ZSCAN25: variants seen among roughly 807,000 people sequenced by gnomAD.
ZSCAN25 encodes zinc finger and SCAN domain containing 25, also known as zinc finger and SCAN domain-containing protein 25.
In ZSCAN25, 27 loss-of-function variants were observed where a neutral mutation model predicts 38.7. The observed-to-expected ratio is 0.70, with a 90% CI of 0.51 to 0.96. The LOEUF is 0.96. Among genes scored for constraint, ZSCAN25 ranks in the 40% least tolerant of loss-of-function variants. ZSCAN25 has a pLI of 0.00. For synonymous variants in ZSCAN25, 273 were observed against 277.7 expected, an observed-to-expected ratio of 0.98 and a Z score of 0.17; for missense variants, 637 against 705.9, an observed-to-expected ratio of 0.90 and a Z score of 1.11.
the ZSCAN25 span, among the ~76,000 whole-genome samples, chr7:99,675,205 C>A: frequency 6.6e-6 from 1 of 152,216 alleles, no homozygotes; most frequent in Non-Finnish European, 1.5e-5. Flanking sequence ...CACCTCTACA[C>A]ATCACACCCA....
chr7:99,737,043 C>T, the ZSCAN25 span, among the ~76,000 whole-genome samples: 2 of 152,150 alleles, frequency 1.3e-5, no homozygotes, highest in African/African-American at 4.8e-5. Context: ...AGGACAGACA[C>T]GGGTAGGTGG....
the ZSCAN25 span, chr7:99,663,701 A>G: frequency 4.7e-6 from 5 of 1,066,876 alleles, no homozygotes; most frequent in Non-Finnish European, 5.7e-6. Flanking sequence ...TAAAGGGAAG[A>G]GAAGTGGTAA....
rs1270014397 is a variant in ZSCAN25 at position 99,629,362 on chromosome 7, C to T, written c.977C>T (p.Pro326Leu). 1.2e-6 allele frequency: 2 copies of T among 1,614,208 alleles called. No homozygotes were observed. The highest frequency in any genetic ancestry group is 1.3e-5 in the African/African-American group (1 of 75,070). ...GCAGGCAGTGCGCCTGGGCTTCCTC[C>T]TCCCCAGCACGGTGCCATCCCCCTG... is the stretch of plus-strand genomic sequence containing the variant. ...GPAGSAPGLPPPQHGAIPLPD... is the reference protein window; with the variant it reads ...GPAGSAPGLPLPQHGAIPLPD... Residue 326 changes from proline to leucine, a missense_variant, in exon 8 of 8, where the codon CCT (proline) becomes CTT (leucine). Pro to Leu is a moderately conservative substitution (Grantham distance 98). Transcript: ENST00000394152. This position sits in a 1 kb window ranked among gnomAD's most constrained non-coding sequence, Gnocchi z 5.6.
At chr7:99,693,378 A>G in the ZSCAN25 span, among the ~76,000 whole-genome samples, 28 of 152,294 alleles carry the variant, frequency 1.8e-4, no homozygotes, top group South Asian at 1.5e-3. Flanking sequence ...GAGGCAGTCT[A>G]TCCGTTCTCA....
chr7:99,696,013 C>T, the ZSCAN25 span, among the ~76,000 whole-genome samples: 715 of 152,266 alleles, frequency 4.7e-3, 4 homozygotes, highest in African/African-American at 0.016. Context: ...AGTCCTTTCC[C>T]GTCTCCACCA....
At chr7:99,638,494 C>A in the ZSCAN25 span, 1 of 1,501,182 alleles carries the variant, frequency 6.7e-7, no homozygotes, top group Admixed American at 1.7e-5. Context: ...CGGTGGCAGT[C>A]GGCACAGTCC....
the ZSCAN25 span, among the ~76,000 whole-genome samples, chr7:99,710,111 A>G: frequency 6.6e-6 from 1 of 152,224 alleles, no homozygotes; most frequent in African/African-American, 2.4e-5. Flanking sequence ...CCACACAAAG[A>G]CCAGCCCAAA....
the ZSCAN25 span, among the ~76,000 whole-genome samples, chr7:99,723,336 G>T: frequency 6.6e-6 from 1 of 152,078 alleles, no homozygotes; most frequent in Admixed American, 6.5e-5. Flanking sequence ...TCTTCTTCTG[G>T]ACAATGAGTC....
At chr7:99,700,910 C>A in the ZSCAN25 span, among the ~76,000 whole-genome samples, 1 of 152,148 alleles carries the variant, frequency 6.6e-6, no homozygotes, top group Non-Finnish European at 1.5e-5. Context: ...TGGTCTTGTT[C>A]TGCAAAGGAA....
Position 99,619,867 on chromosome 7 carries a change from G to A in ZSCAN25, c.261G>A (p.Leu87=), listed in dbSNP as rs748106057. ...AGCAGATCCTGGAGCTGCTGGTGCT[G>A]GAGCAGTTCCTCACTATCCTGCCCC... The part of the protein sequence containing the change: ...TKEQILELLV[L]EQFLTILPRE... Residue 87 remains leucine, a synonymous_variant, in exon 4 of 8, where the codon CTG becomes CTA. Coordinates refer to ENST00000394152, the MANE Select transcript of ZSCAN25 (RefSeq NM_145115.3). 1 of 1,614,254 alleles carries A rather than the reference G, an allele frequency of 6.2e-7. No homozygotes were observed. The highest frequency in any genetic ancestry group is 1.1e-5 in the South Asian group (1 of 91,090).
the ZSCAN25 span, among the ~76,000 whole-genome samples, chr7:99,639,367 G>T: frequency 1.3e-5 from 2 of 152,230 alleles, no homozygotes; most frequent in East Asian, 3.9e-4. Flanking sequence ...TGGGGGTAAA[G>T]GTAGTATTGT....
downstream of ZSCAN25, among the ~76,000 whole-genome samples, chr7:99,635,696 G>GA (rs1808247667): frequency 6.6e-6 from 1 of 152,006 alleles, no homozygotes; most frequent in South Asian, 2.1e-4. Flanking sequence ...GTTATTTTAA[G>GA]ACACAAAAAA....
At chr7:99,706,051 C>T in the ZSCAN25 span, among the ~76,000 whole-genome samples, 1 of 152,186 alleles carries the variant, frequency 6.6e-6, no homozygotes, top group Non-Finnish European at 1.5e-5. Context: ...TCAACTTCCA[C>T]AGTCCAGTAA....
Position 99,631,469 on chromosome 7 carries a change from A to T in ZSCAN25, c.*1449A>T. On this transcript the variant is annotated 3_prime_UTR_variant, in exon 8 of 8. Transcript: ENST00000394152. ...TTCTGTTTAAAGTTCTGGAAGCTGC[A>T]TAACTAGCGTGGACTGACTGCTGTG... The T allele has an allele frequency of 1.0e-6, 1 of 985,546 alleles. No homozygotes were observed. The highest frequency in any genetic ancestry group is 1.2e-6 in the Non-Finnish European group (1 of 829,948). The allele number at this position is 985,546 out of a possible 1,614,324, so 61.1% of individuals were successfully genotyped here.
the ZSCAN25 span, chr7:99,648,524 A>C: frequency 1.5e-6 from 1 of 658,688 alleles, no homozygotes; most frequent in Non-Finnish European, 2.5e-6. Context: ...TCTTAACACC[A>C]TGTATCTTGA....
the ZSCAN25 span, among the ~76,000 whole-genome samples, chr7:99,640,535 C>G: frequency 6.6e-6 from 1 of 152,200 alleles, no homozygotes; most frequent in East Asian, 1.9e-4. Context: ...TTGCTTCTCC[C>G]ATCATAGGCA....
chr7:99,629,235 C>G lies in ZSCAN25; in HGVS notation c.850C>G (p.Leu284Val). 6.2e-7 allele frequency: 1 copy of G among 1,613,766 alleles called. No homozygotes were observed. The highest frequency in any genetic ancestry group is 8.5e-7 in the Non-Finnish European group (1 of 1,179,844). ...GGAGGCAAAACCCCCACAGGAAGAC[C>G]TGAAAGGGGCGCTGGTGGCACTGAC... is the stretch of plus-strand genomic sequence containing the variant. ...EKEAKPPQED[L>V]KGALVALTSE... The change falls in exon 8 of 8, where the codon CTG (leucine) becomes GTG (valine). Residue 284 changes from leucine (L) to valine (V), a missense_variant. By Grantham distance (32) the Leu-to-Val change is conservative. Coordinates refer to ENST00000394152, the MANE Select transcript of ZSCAN25 (RefSeq NM_145115.3). This position sits in a 1 kb window ranked among gnomAD's most constrained non-coding sequence, Gnocchi z 5.6.
chr7:99,675,943 G>T, the ZSCAN25 span, among the ~76,000 whole-genome samples: 1 of 151,486 alleles, frequency 6.6e-6, no homozygotes, highest in African/African-American at 2.4e-5. Context: ...CAATTTGCCA[G>T]TCTTGGCCTC....
intron 6 of ZSCAN25, among the ~76,000 whole-genome samples, chr7:99,623,126 G>C (rs910183725): frequency 6.6e-6 from 1 of 152,172 alleles, no homozygotes; most frequent in Non-Finnish European, 1.5e-5. Flanking sequence ...TCTTACAACT[G>C]TTACAGATAG....
Sources: allele counts gnomAD v4.1 joint callset (sites outside exome capture counted in the v4.1 genomes callset), GRCh38; gene constraint gnomAD v4.1.1; non-coding constraint Gnocchi (gnomAD v3.1); transcripts MANE v1.5; gene names NCBI Gene and HGNC (gene_info 2026-07-23, HGNC 2026-07-21).